Variants in THSD7A observed in about 807,000 individuals in gnomAD.
The protein encoded by THSD7A is thrombospondin type-1 domain-containing protein 7A.
THSD7A carries 96 observed loss-of-function variants against 231.3 expected under a neutral mutation model. That is an observed-to-expected ratio of 0.41 (90% CI 0.35 to 0.49). The LOEUF is 0.49. THSD7A is among the 20% of genes least tolerant of loss of function. The pLI, the probability that THSD7A is intolerant of heterozygous loss-of-function variation, is 0.05. For synonymous variants in THSD7A, 940 were observed against 743.3 expected, an observed-to-expected ratio of 1.26 and a Z score of -4.30; for missense variants, 2,290 against 2,070.2, an observed-to-expected ratio of 1.11 and a Z score of -2.06.
At chr7:11,507,601 G>GTGT (rs746191810) in intron 6 of THSD7A, among the ~76,000 whole-genome samples, 1,429 of 142,798 alleles carry the variant, frequency 0.01, 11 homozygotes, top group African/African-American at 0.034. Context: ...AATAATGTGT[G>GTGT]TTTTTTTTTT....
Position 11,481,983 on chromosome 7 carries a change from C to A in THSD7A, c.1823-1G>T. 1 of 1,588,454 alleles carries A rather than the reference C, an allele frequency of 6.3e-7. No individual in the cohort carries two copies. The highest frequency in any genetic ancestry group is 8.6e-7 in the Non-Finnish European group (1 of 1,164,866). On this transcript the variant is annotated splice_acceptor_variant, in intron 6 of 27. Transcript: ENST00000423059. LOFTEE classifies it high-confidence loss of function. ...CACAGCTGTCTGTCAACTTCTTCTC[C>A]TGGGGAAAACATGACCACCAACAGC...
At chr7:11,630,620 C>T (rs1029820143) in intron 2 of THSD7A, among the ~76,000 whole-genome samples, 5 of 152,160 alleles carry the variant, frequency 3.3e-5, no homozygotes, top group African/African-American at 1.2e-4. Context: ...CTAAATCTGT[C>T]TTATTCCCTC....
intron 6 of THSD7A, among the ~76,000 whole-genome samples, chr7:11,539,536 T>C (rs193037139): frequency 1.4e-3 from 210 of 152,370 alleles, no homozygotes; most frequent in Middle Eastern, 3.4e-3. Flanking sequence ...TTTTAGGTTA[T>C]AACATACATT....
chr7:11,769,157 T>TTC (rs1783145536), intron 1 of THSD7A, among the ~76,000 whole-genome samples: 1 of 77,146 alleles, frequency 1.3e-5, no homozygotes, highest in Non-Finnish European at 2.7e-5. Context: ...ATATATATTT[T>TTC]TTTTTTTTTT....
chr7:11,743,256 G>A (rs544499422), intron 1 of THSD7A, among the ~76,000 whole-genome samples: 1 of 151,858 alleles, frequency 6.6e-6, no homozygotes, highest in Admixed American at 6.6e-5. Flanking sequence ...AAATAGTTGA[G>A]GTCCTTAGAA....
intron 1 of THSD7A, among the ~76,000 whole-genome samples, chr7:11,719,422 C>T (rs796247256): frequency 7.9e-5 from 12 of 151,762 alleles, no homozygotes; most frequent in African/African-American, 2.9e-4. Flanking sequence ...TCCTTTGAAG[C>T]TCATTATATT....
chr7:11,641,611 T>G (rs1418289983), intron 1 of THSD7A, among the ~76,000 whole-genome samples: 1 of 151,978 alleles, frequency 6.6e-6, no homozygotes, highest in African/African-American at 2.4e-5. Context: ...ATATTTACAT[T>G]GAGAACCAGC....
At chr7:11,534,645 T>C (rs1788839923) in intron 6 of THSD7A, among the ~76,000 whole-genome samples, 1 of 152,078 alleles carries the variant, frequency 6.6e-6, no homozygotes, top group Admixed American at 6.6e-5. Flanking sequence ...AATAGTTAAA[T>C]GATATATGGT....
chr7:11,462,142 C>G lies in THSD7A; in HGVS notation c.2370G>C (p.Gly790=). The G allele has an allele frequency of 6.2e-7, 1 of 1,613,512 alleles. No individual in the cohort carries two copies. Among genetic ancestry groups the G allele is most frequent in the South Asian group, 1.1e-5 (1 of 91,050 alleles). Reference sequence around the variant, plus strand: ...TAGACTGCTTCCTGATACTGGAGTCCCCTGCAATGAAGCAGTTTTTTAACC... The same window carrying G: ...TAGACTGCTTCCTGATACTGGAGTCGCCTGCAATGAAGCAGTTTTTTAACC... ...WTSCPSSCKE[G]DSSIRKQSRH... is the part of the protein sequence containing the mutation. The change falls in exon 10 of 28, where the codon GGG becomes GGC. Residue 790 remains glycine (G), a splice_region_variant and synonymous_variant. Coordinates refer to ENST00000423059, the MANE Select transcript of THSD7A (RefSeq NM_015204.3).
chr7:11,684,294 G>C (rs745909704), intron 1 of THSD7A, among the ~76,000 whole-genome samples: 4 of 151,344 alleles, frequency 2.6e-5, no homozygotes, highest in Non-Finnish European at 4.4e-5. Flanking sequence ...ACAGGCAAAA[G>C]TTGGAAGCAT....
intron 23 of THSD7A, among the ~76,000 whole-genome samples, chr7:11,395,051 G>A (rs1195384639): frequency 1.3e-5 from 2 of 152,126 alleles, no homozygotes; most frequent in East Asian, 1.9e-4. Flanking sequence ...AGACCCATTG[G>A]TGGGCTATAT....
intron 6 of THSD7A, among the ~76,000 whole-genome samples, chr7:11,522,525 T>C (rs1474303657): frequency 6.6e-6 from 1 of 152,212 alleles, no homozygotes; most frequent in Non-Finnish European, 1.5e-5. Flanking sequence ...CTGCTTTTTA[T>C]TTTCGGTTGC....
chr7:11,424,890 T>A, intron 15 of THSD7A, 61 bp from the exon 16 acceptor site: 1 of 1,596,550 alleles, frequency 6.3e-7, no homozygotes, highest in Non-Finnish European at 8.6e-7. Flanking sequence ...GAGGAAGACT[T>A]CCACACCATA....
chr7:11,377,414 G>A lies in THSD7A; in HGVS notation c.4802-757C>T, dbSNP rs899777538. 6.6e-6 allele frequency among the ~76,000 whole-genome samples: 1 copy of A among 151,962 alleles called. No homozygotes were observed. Among genetic ancestry groups the A allele is most frequent in the African/African-American group, 2.4e-5 (1 of 41,392 alleles). On this transcript the variant is annotated intron_variant, in intron 26 of 27. Coordinates refer to ENST00000423059, the MANE Select transcript of THSD7A (RefSeq NM_015204.3). The surrounding 1 kb of genome is among the most constrained non-coding windows in gnomAD (Gnocchi z 4.5). ...TTAATGATATTGGCTAATTTAATTT[G>A]ATCCTCACATCAACATATATTTTCT... is the stretch of plus-strand genomic sequence containing the variant.
At chr7:11,425,137 C>G (rs984466462) in intron 15 of THSD7A, among the ~76,000 whole-genome samples, 7 of 152,106 alleles carry the variant, frequency 4.6e-5, no homozygotes, top group African/African-American at 1.2e-4. Flanking sequence ...CTTTCTGGAC[C>G]ATCTGTGTCA....
intron 1 of THSD7A, among the ~76,000 whole-genome samples, chr7:11,687,832 A>T (rs1469839676): frequency 6.6e-6 from 1 of 151,170 alleles, no homozygotes; most frequent in Non-Finnish European, 1.5e-5. Flanking sequence ...GAGCTTCTCA[A>T]CTCTGCTGTC....
chr7:11,593,546 T>A (rs1423640395), intron 2 of THSD7A, 44 bp from the exon 3 acceptor site: 1 of 1,592,946 alleles, frequency 6.3e-7, no homozygotes, highest in Admixed American at 1.7e-5. Context: ...TCACAGGCAG[T>A]TATGAACTTT....
At chr7:11,788,037 T>G (rs1021138481) in intron 1 of THSD7A, among the ~76,000 whole-genome samples, 1 of 152,020 alleles carries the variant, frequency 6.6e-6, no homozygotes, top group Admixed American at 6.6e-5. Context: ...ACTCACCATC[T>G]TGGCTACAAG....
chr7:11,775,474 A>G (rs1294056534), intron 1 of THSD7A, among the ~76,000 whole-genome samples: 5 of 152,220 alleles, frequency 3.3e-5, no homozygotes, highest in Admixed American at 2.0e-4. Context: ...ATGGATAAAC[A>G]AAACGTGGTA....
Sources: gnomAD v4.1 joint callset for allele counts (sites outside exome capture counted in the v4.1 genomes callset) on GRCh38, gnomAD v4.1.1 for gene constraint, Gnocchi (gnomAD v3.1) non-coding constraint, MANE v1.5 for transcripts, NCBI Gene and HGNC (gene_info 2026-07-23, HGNC 2026-07-21) for gene names.